The following SLIT1 variants were observed in gnomAD, a reference collection of about 807,000 sequenced individuals.
SLIT1 encodes slit guidance ligand 1.
A neutral mutation model predicts 186.1 loss-of-function variants in SLIT1; 66 were observed. The ratio of observed to expected loss-of-function variants is 0.35; its 90% confidence interval spans 0.29 to 0.44. The LOEUF (loss-of-function observed/expected upper bound fraction) is 0.44. Ranked by LOEUF, SLIT1 falls within the 20% of genes least tolerant of loss-of-function variation. SLIT1 has a pLI of 1.00. For missense variants in SLIT1, 1,638 were observed against 2,037.4 expected (o/e 0.80, Z 3.77); for synonymous variants, 761 against 833.8 (o/e 0.91, Z 1.50).
rs1479117731 is a variant in SLIT1, at chr10:97,138,522, G to T, written c.413+19296C>A. On this transcript the variant is annotated intron_variant, in intron 4 of 36. Coordinates refer to ENST00000266058, the MANE Select transcript of SLIT1 (RefSeq NM_003061.3). The stretch of plus-strand genomic sequence containing the variant: ...ATGCCATGTCCAGCTGGCTGGGAAA[G>T]ATGCTATTAAAAATCATCAATACAT... Among the ~76,000 whole-genome samples, 3 of 152,372 alleles carry T rather than the reference G, an allele frequency of 2.0e-5. No individual in the cohort carries two copies. The East Asian group carries it at 5.8e-4, about 29-fold the overall frequency.
chr10:97,001,597 G>GT (rs1433529854), intron 36 of SLIT1, among the ~76,000 whole-genome samples: 1 of 152,160 alleles, frequency 6.6e-6, no homozygotes, highest in East Asian at 1.9e-4. Flanking sequence ...CTGGAGGGAG[G>GT]GGGGGTCCCC....
chr10:97,170,737 GA>G (rs1850177216), intron 1 of SLIT1, among the ~76,000 whole-genome samples: 1 of 152,204 alleles, frequency 6.6e-6, no homozygotes, highest in African/African-American at 2.4e-5. Context: ...AAAGATTTTG[GA>G]GAAAATCCTC....
At chr10:97,170,995 T>C (rs766591366) in intron 1 of SLIT1, among the ~76,000 whole-genome samples, 24 of 152,224 alleles carry the variant, frequency 1.6e-4, no homozygotes, top group Non-Finnish European at 2.6e-4. Flanking sequence ...GACTAGAACG[T>C]TCCTTCCTCA....
chr10:97,060,775 G>A lies in SLIT1; in HGVS notation c.806C>T (p.Ala269Val), dbSNP rs374041679. 44 of 1,602,234 alleles carry A rather than the reference G, an allele frequency of 2.7e-5. No individual in the cohort carries two copies. In the African/African-American group the frequency reaches 4.1e-4, roughly 15 times the overall value. Residue 269 changes from alanine (A) to valine (V), a missense_variant, in exon 9 of 37, where the codon GCG becomes GTG. Ala to Val is a moderately conservative substitution (Grantham distance 64). This residue lies in a region of SLIT1 where 1,245 missense variants were observed against 1,535.3 expected (regional missense o/e 0.81). Coordinates refer to ENST00000266058, the MANE Select transcript of SLIT1 (RefSeq NM_003061.3). ...CAGGGTGCAGGTGGGCACGCGCCCC[G>A]CTTCTCCCTGGCCTGCAGAAACAGG... ...SEFSCSGQGE[A>V]GRVPTCTLSS...
rs1850078713 is a variant in SLIT1, at chr10:97,164,668, C to A, written c.269+151G>T. On this transcript the variant is annotated intron_variant, in intron 2 of 36. Coordinates refer to ENST00000266058, the MANE Select transcript of SLIT1 (RefSeq NM_003061.3). The stretch of plus-strand genomic sequence containing the variant: ...TAAGACTCAAGACTCAACATCACCC[C>A]ACCCGACACCCCTCAGGATGTCTTG... 4.5e-6 allele frequency: 3 copies of A among 662,250 alleles called. No individual in the cohort carries two copies. In the East Asian group the frequency reaches 7.9e-5, roughly 17 times the overall value. 41.0% of individuals were successfully genotyped at this position (662,250 alleles called of 1,614,324 possible). A position where few individuals can be genotyped will look rare whatever the true frequency, so the allele number is the denominator to read the frequency against.
At chr10:97,017,346 A>C (rs1002056023) in intron 28 of SLIT1, among the ~76,000 whole-genome samples, 2 of 152,198 alleles carry the variant, frequency 1.3e-5, no homozygotes, top group Admixed American at 6.5e-5. Flanking sequence ...AGGCTCAGCC[A>C]TTTCTGCCCC....
intron 4 of SLIT1, chr10:97,157,392 C>T (rs1029850727): frequency 3.5e-5 from 6 of 173,642 alleles, no homozygotes; most frequent in South Asian, 1.9e-4. Context: ...TGGCCCTAAA[C>T]GGTAGAAAGA....
intron 32 of SLIT1, among the ~76,000 whole-genome samples, chr10:97,005,648 G>A (rs1007106192): frequency 5.9e-5 from 9 of 152,242 alleles, no homozygotes; most frequent in African/African-American, 1.4e-4. Flanking sequence ...GGATGTGCCC[G>A]AGGCAATGGC....
At chr10:97,166,614 AG>A (rs1411608624) in intron 1 of SLIT1, among the ~76,000 whole-genome samples, 10 of 67,018 alleles carry the variant, frequency 1.5e-4, no homozygotes, top group East Asian at 8.1e-4. Flanking sequence ...AAAGAAAGAA[AG>A]AAAGAAAGAG....
chr10:97,129,203 A>G (rs922901794), intron 4 of SLIT1, among the ~76,000 whole-genome samples: 8 of 152,096 alleles, frequency 5.3e-5, no homozygotes, highest in Admixed American at 1.3e-4. Context: ...GGAGTTCGAG[A>G]CCAGCCTGAG....
At chr10:97,042,146 C>T (rs561851447) in intron 20 of SLIT1, among the ~76,000 whole-genome samples, 57 of 152,214 alleles carry the variant, frequency 3.7e-4, no homozygotes, top group African/African-American at 1.2e-3. Flanking sequence ...TCCACTGCCA[C>T]GTGGCCTGGC....
intron 4 of SLIT1, among the ~76,000 whole-genome samples, chr10:97,144,718 C>A (rs528899689): frequency 1.3e-5 from 2 of 152,326 alleles, no homozygotes; most frequent in Admixed American, 1.3e-4. Context: ...AGCCAGCAAC[C>A]CCCCAGCCAA....
chr10:97,003,024 A>G, intron 34 of SLIT1, 32 bp from the exon 35 acceptor site: 1 of 1,593,482 alleles, frequency 6.3e-7, no homozygotes, highest in Non-Finnish European at 8.6e-7. Flanking sequence ...AGCTGGGCTG[A>G]GTAAAGCTCG....
chr10:97,113,917 C>T (rs969884900), intron 4 of SLIT1, among the ~76,000 whole-genome samples: 2 of 152,122 alleles, frequency 1.3e-5, no homozygotes, highest in African/African-American at 4.8e-5. Context: ...TAAAGACATG[C>T]CCACGGTCAC....
chr10:97,002,652 G>C, intron 35 of SLIT1, 52 bp downstream of exon 35: 1 of 1,481,162 alleles, frequency 6.8e-7, no homozygotes, highest in Non-Finnish European at 9.0e-7. Context: ...CCTTCCCATG[G>C]GGAAGGAACA....
At chr10:97,070,665 C>T (rs1393129729) in intron 4 of SLIT1, among the ~76,000 whole-genome samples, 3 of 152,184 alleles carry the variant, frequency 2.0e-5, no homozygotes, top group African/African-American at 7.2e-5. Flanking sequence ...TTGCCCCTTC[C>T]TCCGTGTGAG....
chr10:97,116,846 G>A (rs1380339774), intron 4 of SLIT1, among the ~76,000 whole-genome samples: 6 of 152,166 alleles, frequency 3.9e-5, no homozygotes, highest in Admixed American at 3.3e-4. Flanking sequence ...CCATGGAAAC[G>A]AGAGGACGGA....
chr10:97,088,582 T>A (rs902786911), intron 4 of SLIT1, among the ~76,000 whole-genome samples: 3 of 152,196 alleles, frequency 2.0e-5, no homozygotes, highest in African/African-American at 7.2e-5. Context: ...CTAAACGTAC[T>A]ATACAGGAAA....
chr10:97,073,927 G>A (rs986833380), intron 4 of SLIT1, among the ~76,000 whole-genome samples: 22 of 152,126 alleles, frequency 1.4e-4, no homozygotes, highest in African/African-American at 5.1e-4. Flanking sequence ...ACATCCACAG[G>A]ACCTGTGTAC....
Sources: gnomAD v4.1 joint callset for allele counts (sites outside exome capture counted in the v4.1 genomes callset) on GRCh38, gnomAD v4.1.1 for gene constraint, gnomAD v4.1.1 regional missense constraint, MANE v1.5 for transcripts, NCBI Gene and HGNC (gene_info 2026-07-23, HGNC 2026-07-21) for gene names.